The following SDF2L1 variants were observed in gnomAD, a reference collection of about 807,000 sequenced individuals.
The protein encoded by SDF2L1 is stromal cell-derived factor 2-like protein 1.
In SDF2L1, 18 loss-of-function variants were observed where a neutral mutation model predicts 19.4. That is an observed-to-expected ratio of 0.93 (90% CI 0.64 to 1.38). The LOEUF is 1.38. Ranked by LOEUF, SDF2L1 falls within the 40% of genes most tolerant of loss-of-function variation. The pLI is 0.00. For missense variants in SDF2L1, 263 were observed against 319.4 expected (o/e 0.82, Z 1.35); for synonymous variants, 161 against 148.9 (o/e 1.08, Z -0.59).
At position 21,642,358 on chromosome 22, in the gene SDF2L1, G is replaced by A. The variant is rs893258443; in HGVS notation, c.22G>A (p.Gly8Arg). 1.4e-6 allele frequency: 2 copies of A among 1,396,526 alleles called. No individual in the cohort carries two copies. The highest frequency in any genetic ancestry group is 1.7e-5 in the South Asian group (1 of 60,010). The allele number at this position is 1,396,526 out of a possible 1,614,324, so 86.5% of individuals were successfully genotyped here. A position where few individuals can be genotyped will look rare whatever the true frequency, so the allele number is the denominator to read the frequency against. ...GGCGATGTGGAGCGCGGGCCGCGGC[G>A]GGGCTGCCTGGCCGGTGCTGTTGGG... MWSAGRGGAAWPVLLGLL... is the reference protein window; with the variant it reads MWSAGRGRAAWPVLLGLL... Residue 8 changes from glycine to arginine, a missense_variant, in exon 1 of 3, where the codon GGG becomes AGG. Gly to Arg is a moderately radical substitution (Grantham distance 125, BLOSUM62 -2). Coordinates refer to ENST00000248958, the MANE Select transcript of SDF2L1 (RefSeq NM_022044.3).
In SDF2L1 at chr22:21,644,218, T is replaced by A. The variant is rs1320803081; in HGVS notation, c.*43T>A. On this transcript the variant is annotated 3_prime_UTR_variant, in exon 3 of 3. Transcript: ENST00000248958. Reference sequence around the variant, plus strand: ...TGGATGGAGGGTGGCAGGTGGGGCGTCTGCAGGGCCACTCTTGGCAGAGAC... The same window carrying A: ...TGGATGGAGGGTGGCAGGTGGGGCGACTGCAGGGCCACTCTTGGCAGAGAC... 1 of 1,600,920 alleles carries A rather than the reference T, an allele frequency of 6.2e-7. No homozygotes were observed. Among genetic ancestry groups the A allele is most frequent in the African/African-American group, 1.3e-5 (1 of 74,684 alleles).
Position 21,644,216 on chromosome 22 carries a change from C to A in SDF2L1, c.*41C>A, listed in dbSNP as rs758560010. 1.9e-6 allele frequency: 3 copies of A among 1,601,340 alleles called. No individual in the cohort carries two copies. Among genetic ancestry groups the A allele is most frequent in the Non-Finnish European group, 8.5e-7 (1 of 1,171,030 alleles). Reference sequence around the variant, plus strand: ...GGTGGATGGAGGGTGGCAGGTGGGGCGTCTGCAGGGCCACTCTTGGCAGAG... The same window carrying A: ...GGTGGATGGAGGGTGGCAGGTGGGGAGTCTGCAGGGCCACTCTTGGCAGAG... On this transcript the variant is annotated 3_prime_UTR_variant, in exon 3 of 3. Coordinates refer to ENST00000248958, the MANE Select transcript of SDF2L1 (RefSeq NM_022044.3).
chr22:21,644,296 A>G lies in SDF2L1; in HGVS notation c.*121A>G. Reference sequence around the variant, plus strand: ...CTTTGTGATTAAAGAATGTTGGTCTATGATTGCGTTTCACTGTGAGCCTGA... The same window carrying G: ...CTTTGTGATTAAAGAATGTTGGTCTGTGATTGCGTTTCACTGTGAGCCTGA... On this transcript the variant is annotated 3_prime_UTR_variant, in exon 3 of 3. Coordinates refer to ENST00000248958, the MANE Select transcript of SDF2L1 (RefSeq NM_022044.3). The G allele has an allele frequency of 1.8e-6, 2 of 1,110,826 alleles. No homozygotes were observed. The highest frequency in any genetic ancestry group is 2.7e-4 in the Middle Eastern group (1 of 3,732). The allele number at this position is 1,110,826 out of a possible 1,614,324, so 68.8% of individuals were successfully genotyped here.
intron 2 of SDF2L1, 85 bp downstream of exon 2, chr22:21,643,143 A>C: frequency 6.9e-7 from 1 of 1,449,902 alleles, no homozygotes; most frequent in Non-Finnish European, 9.3e-7. Flanking sequence ...TCCGAGCCTC[A>C]GCTTCTTCGT....
chr22:21,643,667 G>A (rs1255228733), intron 2 of SDF2L1, among the ~76,000 whole-genome samples: 6 of 152,164 alleles, frequency 3.9e-5, no homozygotes, highest in Non-Finnish European at 8.8e-5. Flanking sequence ...GCTCCGTGGG[G>A]ACCAGTGGTC....
Position 21,642,976 on chromosome 22 carries a change from G to A in SDF2L1, c.302G>A (p.Gly101Glu), listed in dbSNP as rs754497992. Residue 101 changes from glycine to glutamate, a missense_variant, in exon 2 of 3, where the codon GGG (glycine) becomes GAG (glutamate). By Grantham distance (98) the Gly-to-Glu change is moderately conservative. Coordinates refer to ENST00000248958, the MANE Select transcript of SDF2L1 (RefSeq NM_022044.3). ...CCGCGCGGGTCCCCGGTGCGCTGCG[G>A]GCAGGCGGTGAGGCTCACGCATGTG... ...GCPRGSPVRC[G>E]QAVRLTHVLT... 54 of 1,568,306 alleles carry A rather than the reference G, an allele frequency of 3.4e-5. No individual in the cohort carries two copies. In the South Asian group the frequency reaches 5.9e-4, roughly 17 times the overall value.
chr22:21,642,857 C>T lies in SDF2L1; in HGVS notation c.188-5C>T, dbSNP rs1482581273. 7.5e-6 allele frequency: 12 copies of T among 1,591,188 alleles called. No individual in the cohort carries two copies. Among genetic ancestry groups the T allele is most frequent in the South Asian group, 4.5e-5 (4 of 88,308 alleles). On this transcript the variant is annotated splice_polypyrimidine_tract_variant and splice_region_variant and intron_variant, in intron 1 of 2. Transcript: ENST00000248958. ...ACCCTGGGTGTGTGGGGTGTCACTC[C>T]TCAGGCAGCGGCCAGCAATCGGTGA... is the stretch of plus-strand genomic sequence containing the variant.
intron 1 of SDF2L1, 92 bp from the exon 2 acceptor site, chr22:21,642,770 G>T: frequency 6.9e-7 from 1 of 1,447,844 alleles, no homozygotes; most frequent in South Asian, 1.3e-5. Context: ...GTGAGCCCTT[G>T]GGGTCCCCTG....
intron 1 of SDF2L1, 97 bp from the exon 2 acceptor site, chr22:21,642,765 C>T (rs2066089519): frequency 2.1e-6 from 3 of 1,424,222 alleles, no homozygotes; most frequent in Non-Finnish European, 2.8e-6. Context: ...TGGGGGTGAG[C>T]CCTTGGGGTC....
rs555950380 is a variant in SDF2L1 at position 21,643,990 on chromosome 22, C to T, written c.481C>T (p.Arg161Cys). ...GCACTGGGAGCGTGAGGCTGCTGTG[C>T]GCTTCCAGCATGTGGGCACCTCTGT... is the stretch of plus-strand genomic sequence containing the variant. ...GQHWEREAAVRFQHVGTSVFL... is the reference protein window; with the variant it reads ...GQHWEREAAVCFQHVGTSVFL... The change falls in exon 3 of 3, where the codon CGC becomes TGC. Residue 161 changes from arginine to cysteine, a missense_variant. By Grantham distance (180) the Arg-to-Cys change is radical (BLOSUM62 -3). Around this residue, in one of 3 missense-constraint regions of SDF2L1, gnomAD observed 203 missense variants for 256.9 expected, o/e 0.79. Transcript: ENST00000248958. The T allele has an allele frequency of 1.7e-5, 27 of 1,614,136 alleles. No homozygotes were observed. The highest frequency in any genetic ancestry group is 8.0e-5 in the African/African-American group (6 of 75,040).
intron 1 of SDF2L1, 123 bp from the exon 2 acceptor site, chr22:21,642,739 G>T: frequency 1.6e-6 from 2 of 1,252,866 alleles, no homozygotes; most frequent in Non-Finnish European, 2.2e-6. Context: ...AGACTGAGGG[G>T]GTGTCAGGCG....
chr22:21,642,563 G>A, intron 1 of SDF2L1, 40 bp downstream of exon 1: 1 of 1,502,432 alleles, frequency 6.7e-7, no homozygotes, highest in Middle Eastern at 2.2e-4. Flanking sequence ...GGGGAACCGG[G>A]GCTCGGGGTT....
At chr22:21,643,751 C>G (rs1020624946) in intron 2 of SDF2L1, 143 bp from the exon 3 acceptor site, 4 of 745,404 alleles carry the variant, frequency 5.4e-6, no homozygotes, top group Non-Finnish European at 6.5e-6. Context: ...CTAGAGGTTG[C>G]GGGGGCGGGT....
chr22:21,642,579 T>G lies in SDF2L1; in HGVS notation c.187+56T>G, dbSNP rs2066087524. ...GGGAACCGGGGCTCGGGGTTGGGAG[T>G]GTGGAGACAGGGTGGTCATGGGGGT... is the stretch of plus-strand genomic sequence containing the variant. On this transcript the variant is annotated intron_variant, in intron 1 of 2. Coordinates refer to ENST00000248958, the MANE Select transcript of SDF2L1 (RefSeq NM_022044.3). 3 of 1,484,670 alleles carry G rather than the reference T, an allele frequency of 2.0e-6. No homozygotes were observed. In the African/African-American group the frequency reaches 4.5e-5, roughly 22 times the overall value. 92.0% of individuals were successfully genotyped at this position (1,484,670 alleles called of 1,614,324 possible).
intron 2 of SDF2L1, 101 bp downstream of exon 2, chr22:21,643,159 G>C: frequency 7.2e-7 from 1 of 1,380,232 alleles, no homozygotes; most frequent in Non-Finnish European, 9.8e-7. Flanking sequence ...TTCGTGAAAT[G>C]GAAATTTCAC....
At position 21,643,037 on chromosome 22, in the gene SDF2L1, G is replaced by C. The variant is rs142846840; in HGVS notation, c.363G>C (p.Pro121=). The C allele has an allele frequency of 6.4e-7, 1 of 1,556,000 alleles. No homozygotes were observed. The highest frequency in any genetic ancestry group is 2.4e-5 in the East Asian group (1 of 41,672). ...AGAACCTGCACACGCACCACTTCCC[G>C]TCGCCGCTGTCCAACAACCAGGTGA... is the stretch of plus-strand genomic sequence containing the variant. The part of the protein sequence containing the change: ...TGKNLHTHHF[P]SPLSNNQEVS... The change falls in exon 2 of 3, where the codon CCG becomes CCC. Residue 121 remains proline, a synonymous_variant. Transcript: ENST00000248958.
Position 21,642,900 on chromosome 22 carries a change from G to T in SDF2L1, c.226G>T (p.Asp76Tyr), listed in dbSNP as rs1207234199. ...ATCGGTGACCGGCGTAGAGGCGTCG[G>T]ACGACGCCAATAGCTACTGGCGGAT... Reference protein sequence around the residue: ...QQSVTGVEASDDANSYWRIRG... With the variant: ...QQSVTGVEASYDANSYWRIRG... Residue 76 changes from aspartate to tyrosine, a missense_variant, in exon 2 of 3, where the codon GAC becomes TAC. Physicochemically the swap from Asp to Tyr is radical, Grantham distance 160. Transcript: ENST00000248958. 1 of 1,595,608 alleles carries T rather than the reference G, an allele frequency of 6.3e-7. No homozygotes were observed. Among genetic ancestry groups the T allele is most frequent in the East Asian group, 2.3e-5 (1 of 43,734 alleles).
rs758509211 is a variant in SDF2L1 at position 21,644,143 on chromosome 22, G to T, written c.634G>T (p.Val212Leu). 6.2e-7 allele frequency: 1 copy of T among 1,614,076 alleles called. No homozygotes were observed. The highest frequency in any genetic ancestry group is 8.5e-7 in the Non-Finnish European group (1 of 1,180,044). The stretch of plus-strand genomic sequence containing the variant: ...GGAAGGCATCTTCATCAAGCCTAGT[G>T]TGGAGCCCTCTGCAGGTCACGATGA... ...AMEGIFIKPS[V>L]EPSAGHDEL The change falls in exon 3 of 3, where the codon GTG becomes TTG. Residue 212 changes from valine (V) to leucine (L), a missense_variant. By Grantham distance (32) the Val-to-Leu change is conservative. Coordinates refer to ENST00000248958, the MANE Select transcript of SDF2L1 (RefSeq NM_022044.3).
In SDF2L1 at chr22:21,644,241, G is replaced by T; in HGVS notation, c.*66G>T. 1 of 1,575,550 alleles carries T rather than the reference G, an allele frequency of 6.3e-7. No homozygotes were observed. The highest frequency in any genetic ancestry group is 8.7e-7 in the Non-Finnish European group (1 of 1,152,904). ...CGTCTGCAGGGCCACTCTTGGCAGAGACTTTGGGTTTGTAGGGGTCCTCAA... is the reference window on the plus strand; with the variant it reads ...CGTCTGCAGGGCCACTCTTGGCAGATACTTTGGGTTTGTAGGGGTCCTCAA... On this transcript the variant is annotated 3_prime_UTR_variant, in exon 3 of 3. Coordinates refer to ENST00000248958, the MANE Select transcript of SDF2L1 (RefSeq NM_022044.3).
Sources: gnomAD v4.1 joint callset for allele counts (sites outside exome capture counted in the v4.1 genomes callset) on GRCh38, gnomAD v4.1.1 for gene constraint, gnomAD v4.1.1 regional missense constraint, MANE v1.5 for transcripts, NCBI Gene and HGNC (gene_info 2026-07-23, HGNC 2026-07-21) for gene names.